The following PCSK7 variants were observed in gnomAD, a reference collection of about 807,000 sequenced individuals.
The protein encoded by PCSK7 is lymphoma proprotein convertase.
In PCSK7, 38 loss-of-function variants were observed where a neutral mutation model predicts 73.3. The ratio of observed to expected loss-of-function variants is 0.52; its 90% CI spans 0.40 to 0.68. The LOEUF (loss-of-function observed/expected upper bound fraction) is 0.68. Among genes scored for constraint, PCSK7 ranks in the 30% least tolerant of loss-of-function variants. The pLI, the probability that PCSK7 is intolerant of heterozygous loss-of-function variation, is 0.00. For missense variants in PCSK7, 692 were observed against 991.5 expected, an observed-to-expected ratio of 0.70 and a Z score of 4.06; for synonymous variants, 296 against 383.8, an observed-to-expected ratio of 0.77 and a Z score of 2.68.
intron 12 of PCSK7, chr11:117,215,380 G>GTTTATATATATATA: frequency 1.8e-5 from 1 of 55,902 alleles, no homozygotes; most frequent in East Asian, 9.7e-4. Flanking sequence ...GTGTGTGTGT[G>GTTTATATATATATA]TATATATATA....
At chr11:117,228,141 G>A in intron 4 of PCSK7, 75 bp downstream of exon 4, 4 of 1,452,894 alleles carry the variant, frequency 2.8e-6, no homozygotes, top group Non-Finnish European at 2.9e-6. Flanking sequence ...CTCTAGAAAA[G>A]GGGACAAGAC....
At chr11:117,210,382 CAG>C (rs977913080) in intron 12 of PCSK7, 20 of 130,952 alleles carry the variant, frequency 1.5e-4, no homozygotes, top group African/African-American at 4.3e-4. Context: ...TTTTTTGAGA[CAG>C]AGTCTCTCTC....
At chr11:117,213,111 G>A (rs563999166) in intron 12 of PCSK7, 5 of 152,322 alleles carry the variant, frequency 3.3e-5, no homozygotes, top group African/African-American at 1.2e-4. Context: ...CTGTTGCAGT[G>A]CCTATAACAC....
Position 117,229,451 on chromosome 11 carries a change from C to CT in PCSK7, c.393dup (p.Glu132ArgfsTer27). The CT allele has an allele frequency of 6.2e-7, 1 of 1,611,122 alleles. No homozygotes were observed. The highest frequency in any genetic ancestry group is 2.2e-5 in the East Asian group (1 of 44,896). On this transcript the variant is annotated frameshift_variant, in exon 3 of 17. Coordinates refer to ENST00000320934, the MANE Select transcript of PCSK7 (RefSeq NM_004716.4). LOFTEE classifies it high-confidence loss of function. ...TTGGCCCGCCTTAGCAGCCTCTGCT[C>CT]TGAGTGCCAGCGCACAGCTTCATGC...
Position 117,204,406 on chromosome 11 carries a change from C to A in PCSK7, c.*1591G>T, listed in dbSNP as rs1381203808. The A allele has an allele frequency of 6.2e-7, 1 of 1,613,548 alleles. No homozygotes were observed. The highest frequency in any genetic ancestry group is 1.7e-5 in the Admixed American group (1 of 59,982). On this transcript the variant is annotated 3_prime_UTR_variant, in exon 17 of 17. Transcript: ENST00000320934. ...GCCCGGCCCTCCCCCAGCTCCTTGG[C>A]TGCAGCCATCCCGCTTAGCCTGCCT...
rs1714132496 is a variant in PCSK7, at chr11:117,218,065, T to A, written c.1534+401A>T. 1.3e-5 allele frequency: 2 copies of A among 154,018 alleles called. No individual in the cohort carries two copies. Among genetic ancestry groups the A allele is most frequent in the Admixed American group, 1.3e-4 (2 of 15,324 alleles). The allele number at this position is 154,018 out of a possible 1,614,324, so 9.5% of individuals were successfully genotyped here. A position where few individuals can be genotyped will look rare whatever the true frequency, so the allele number is the denominator to read the frequency against. On this transcript the variant is annotated intron_variant, in intron 12 of 16. Coordinates refer to ENST00000320934, the MANE Select transcript of PCSK7 (RefSeq NM_004716.4). The surrounding 1 kb of genome is among the most constrained non-coding windows in gnomAD (Gnocchi z 4.0). The stretch of plus-strand genomic sequence containing the variant: ...TAAGCCAGAGAATCAAAGGAAGAAA[T>A]GCCTAACTCCTTTACTTCATCCAGA...
intron 12 of PCSK7, chr11:117,213,413 T>G (rs2031816978): frequency 6.6e-6 from 1 of 152,206 alleles, no homozygotes; most frequent in African/African-American, 2.4e-5. Context: ...GTGACGGCAC[T>G]GACACGAATG....
chr11:117,212,599 G>T (rs2031780577), intron 12 of PCSK7: 1 of 151,786 alleles, frequency 6.6e-6, no homozygotes, highest in South Asian at 2.1e-4. Flanking sequence ...TTTTAGTAGA[G>T]ACGGGGTTTC....
At chr11:117,224,338 G>A (rs891686172) in intron 7 of PCSK7, 122 bp from the exon 8 acceptor site, 5 of 955,540 alleles carry the variant, frequency 5.2e-6, no homozygotes, top group Non-Finnish European at 7.9e-6. Context: ...AGGGCACTGG[G>A]CATGGGGGAA....
At chr11:117,222,401 A>G (rs1015882522) in intron 9 of PCSK7, 1 of 152,188 alleles carries the variant, frequency 6.6e-6, no homozygotes, top group African/African-American at 2.4e-5. Flanking sequence ...TTGACATGAG[A>G]CATTCCCCCA....
In PCSK7 at chr11:117,204,350, C is replaced by A; in HGVS notation, c.*1647G>T. 1 of 1,614,240 alleles carries A rather than the reference C, an allele frequency of 6.2e-7. No individual in the cohort carries two copies. The highest frequency in any genetic ancestry group is 8.5e-7 in the Non-Finnish European group (1 of 1,180,048). ...CAGGCTACGGACGACCTCGGCAGATCATCAGTTAGAGCGGAGAGGGCTAGC... is the reference window on the plus strand; with the variant it reads ...CAGGCTACGGACGACCTCGGCAGATAATCAGTTAGAGCGGAGAGGGCTAGC... On this transcript the variant is annotated 3_prime_UTR_variant, in exon 17 of 17. Coordinates refer to ENST00000320934, the MANE Select transcript of PCSK7 (RefSeq NM_004716.4).
In PCSK7 at chr11:117,204,895, G is replaced by C. The variant is rs1439606436; in HGVS notation, c.*1102C>G. On this transcript the variant is annotated 3_prime_UTR_variant, in exon 17 of 17. Coordinates refer to ENST00000320934, the MANE Select transcript of PCSK7 (RefSeq NM_004716.4). The stretch of plus-strand genomic sequence containing the variant: ...CTCGGGCTTGTATGTGTTCCTGGCT[G>C]CCGTCCTCTGAAGGACCCTTCATGT... 4.5e-6 allele frequency: 1 copy of C among 221,600 alleles called. No homozygotes were observed. Among genetic ancestry groups the C allele is most frequent in the African/African-American group, 2.3e-5 (1 of 43,982 alleles). 13.7% of individuals were successfully genotyped at this position (221,600 alleles called of 1,614,324 possible). A position where few individuals can be genotyped will look rare whatever the true frequency, so the allele number is the denominator to read the frequency against.
At position 117,219,070 on chromosome 11, in the gene PCSK7, A is replaced by T; in HGVS notation, c.1418T>A (p.Val473Glu). The T allele has an allele frequency of 6.2e-7, 1 of 1,608,346 alleles. No homozygotes were observed. ...ACACCTGTTCACCTTGGCTGCATTC[A>T]CGAGCCTCCAGGCGTTGAGGAGGCC... Reference protein sequence around the residue: ...GFGLLNAWRLVNAAKIWTSVP... With the variant: ...GFGLLNAWRLENAAKIWTSVP... Residue 473 changes from valine (V) to glutamate (E), a missense_variant, in exon 11 of 17, where the codon GTG (valine) becomes GAG (glutamate). This residue lies in a region of PCSK7 where 574 missense variants were observed against 689.8 expected (regional missense o/e 0.83). Coordinates refer to ENST00000320934, the MANE Select transcript of PCSK7 (RefSeq NM_004716.4).
At chr11:117,222,474 A>G (rs967391261) in intron 9 of PCSK7, 3 of 152,196 alleles carry the variant, frequency 2.0e-5, no homozygotes, top group African/African-American at 4.8e-5. Flanking sequence ...GAAGATGCAC[A>G]TGACCAGAAC....
chr11:117,230,072 C>A (rs2032585465), intron 2 of PCSK7: 2 of 482,714 alleles, frequency 4.1e-6, no homozygotes, highest in Non-Finnish European at 7.3e-6. Context: ...CTAACACCAG[C>A]GGATGGCCTC....
Position 117,228,210 on chromosome 11 carries a change from A to G in PCSK7, c.603+6T>C. 6.2e-7 allele frequency: 1 copy of G among 1,612,934 alleles called. No individual in the cohort carries two copies. The highest frequency in any genetic ancestry group is 1.3e-5 in the African/African-American group (1 of 74,964). Reference sequence around the variant, plus strand: ...GAGTGAGGGGTGTCGTTCCAGGGCCACTCACATAGTTGGGTGCAATGTCCT... The same window carrying G: ...GAGTGAGGGGTGTCGTTCCAGGGCCGCTCACATAGTTGGGTGCAATGTCCT... On this transcript the variant is annotated splice_donor_region_variant and intron_variant, in intron 4 of 16. Transcript: ENST00000320934.
chr11:117,224,606 G>T, intron 7 of PCSK7, 95 bp downstream of exon 7: 1 of 984,980 alleles, frequency 1.0e-6, no homozygotes, highest in Non-Finnish European at 1.6e-6. Context: ...TGAGCGTGGA[G>T]GTGGAGTGGG....
intron 9 of PCSK7, chr11:117,221,059 C>T (rs1473573100): frequency 6.6e-6 from 1 of 152,280 alleles, no homozygotes; most frequent in Non-Finnish European, 1.5e-5. Context: ...ATCTGCTCCA[C>T]TCTATGGCAC....
intron 9 of PCSK7, chr11:117,221,505 G>T (rs2032188513): frequency 6.6e-6 from 1 of 152,254 alleles, no homozygotes; most frequent in Non-Finnish European, 1.5e-5. Context: ...TATGCCCCCA[G>T]CCTCTGCCCT....
Sources: allele counts gnomAD v4.1 joint callset, GRCh38; gene constraint gnomAD v4.1.1; regional missense constraint gnomAD v4.1.1; non-coding constraint Gnocchi (gnomAD v3.1); transcripts MANE v1.5; gene names NCBI Gene and HGNC (gene_info 2026-07-23, HGNC 2026-07-21).